CSMD1: variants seen among roughly 807,000 people sequenced by gnomAD.
CSMD1 encodes the protein CUB and Sushi multiple domains 1, also known as CUB and sushi domain-containing protein 1.
CSMD1 carries 213 observed loss-of-function variants against 417.5 expected under a neutral mutation model. That is an observed-to-expected ratio of 0.51 (90% CI 0.46 to 0.57). CSMD1 has a LOEUF of 0.57. Among genes scored for constraint, CSMD1 ranks in the 20% least tolerant of loss-of-function variants. The pLI is 0.00. For synonymous variants in CSMD1, 2,862 were observed against 1,736.8 expected (o/e 1.65, Z -16.11); for missense variants, 6,923 against 4,529.7 (o/e 1.53, Z -15.17).
chr8:3,022,055 G>T (rs1809468020), intron 51 of CSMD1, among the ~76,000 whole-genome samples: 1 of 137,876 alleles, frequency 7.3e-6, no homozygotes, highest in Non-Finnish European at 1.5e-5. Context: ...ACAGCATCCG[G>T]AATGCACCCG....
intron 3 of CSMD1, among the ~76,000 whole-genome samples, chr8:4,095,769 G>A (rs1187809866): frequency 6.6e-6 from 1 of 152,162 alleles, no homozygotes; most frequent in Admixed American, 6.5e-5. Flanking sequence ...CCTATTACGT[G>A]AATTCAGTTC....
intron 7 of CSMD1, among the ~76,000 whole-genome samples, chr8:3,619,407 A>T (rs1341176546): frequency 3.3e-5 from 5 of 152,022 alleles, no homozygotes; most frequent in African/African-American, 1.2e-4. Flanking sequence ...ACCACAAGGC[A>T]TACAAAGAAA....
At chr8:4,586,612 A>C (rs1411839219) in intron 2 of CSMD1, among the ~76,000 whole-genome samples, 6 of 152,152 alleles carry the variant, frequency 3.9e-5, no homozygotes, top group African/African-American at 1.4e-4. Flanking sequence ...TTGGATAAAC[A>C]CTGTTCCCTC....
intron 3 of CSMD1, among the ~76,000 whole-genome samples, chr8:4,342,901 A>G (rs2128896083): frequency 6.6e-6 from 1 of 152,224 alleles, no homozygotes; most frequent in African/African-American, 2.4e-5. Context: ...CAAAGGACTT[A>G]TGTTTTAGAG....
intron 5 of CSMD1, among the ~76,000 whole-genome samples, chr8:3,831,920 AC>A (rs1243903058): frequency 2.0e-5 from 3 of 151,914 alleles, no homozygotes; most frequent in Non-Finnish European, 2.9e-5. Flanking sequence ...CTTTTAAAAT[AC>A]CCCCCAGAGA....
At chr8:3,582,829 A>G (rs1313314321) in intron 9 of CSMD1, among the ~76,000 whole-genome samples, 2 of 152,208 alleles carry the variant, frequency 1.3e-5, no homozygotes, top group Non-Finnish European at 1.5e-5. Flanking sequence ...TTCCCTTTTT[A>G]GTCTAGCTAC....
intron 2 of CSMD1, among the ~76,000 whole-genome samples, chr8:4,541,393 G>A (rs891368848): frequency 6.6e-6 from 1 of 152,106 alleles, no homozygotes; most frequent in African/African-American, 2.4e-5. Context: ...TGCTTATTTT[G>A]TAAGCACTGC....
chr8:3,012,710 G>A (rs1051454209), intron 52 of CSMD1, among the ~76,000 whole-genome samples: 1 of 152,206 alleles, frequency 6.6e-6, no homozygotes, highest in African/African-American at 2.4e-5. Context: ...TTGTTTGGAA[G>A]ATCCACCTGT....
intron 7 of CSMD1, among the ~76,000 whole-genome samples, 164 bp downstream of exon 7, chr8:3,708,250 G>A (rs1484092790): frequency 1.3e-5 from 2 of 152,172 alleles, no homozygotes; most frequent in Admixed American, 6.5e-5. Flanking sequence ...GTAACAAAGT[G>A]AAGTTAGTGC....
intron 2 of CSMD1, among the ~76,000 whole-genome samples, chr8:4,460,403 C>T (rs1233885529): frequency 5.3e-5 from 8 of 152,002 alleles, no homozygotes; most frequent in Admixed American, 2.0e-4. Context: ...CATAAATAGC[C>T]TCACCTTCCA....
At chr8:4,390,491 G>A (rs1399878991) in intron 3 of CSMD1, among the ~76,000 whole-genome samples, 4 of 37,512 alleles carry the variant, frequency 1.1e-4, no homozygotes, top group South Asian at 6.9e-4. Context: ...CCACAGAAGC[G>A]TCCATTTTTA....
intron 3 of CSMD1, among the ~76,000 whole-genome samples, chr8:4,102,273 T>C (rs568391853): frequency 2.0e-5 from 3 of 152,188 alleles, no homozygotes; most frequent in Non-Finnish European, 4.4e-5. Flanking sequence ...ACTTTACACA[T>C]TATAAGGAAG....
At chr8:4,212,751 C>T (rs201347493) in intron 3 of CSMD1, among the ~76,000 whole-genome samples, 1,415 of 99,124 alleles carry the variant, frequency 0.014, 32 homozygotes, top group African/African-American at 0.046. Context: ...CGGCCTTATT[C>T]TTTTTTTTTT....
intron 2 of CSMD1, among the ~76,000 whole-genome samples, chr8:4,509,324 C>T (rs1011255790): frequency 1.3e-5 from 2 of 152,056 alleles, no homozygotes; most frequent in Non-Finnish European, 2.9e-5. Flanking sequence ...TACCAACCCC[C>T]ACCCTCTGGA....
intron 3 of CSMD1, among the ~76,000 whole-genome samples, chr8:4,394,572 C>A (rs1804074979): frequency 6.6e-6 from 1 of 152,146 alleles, no homozygotes; most frequent in African/African-American, 2.4e-5. Context: ...TGGTTCAACC[C>A]ATGTCTGTGG....
At chr8:4,229,019 C>T (rs908189187) in intron 3 of CSMD1, among the ~76,000 whole-genome samples, 1 of 152,170 alleles carries the variant, frequency 6.6e-6, no homozygotes, top group South Asian at 2.1e-4. Context: ...AATTGAGACA[C>T]ATATATCCGA....
chr8:4,573,091 A>G (rs371356494), intron 2 of CSMD1, among the ~76,000 whole-genome samples: 1 of 152,208 alleles, frequency 6.6e-6, no homozygotes, highest in East Asian at 1.9e-4. Context: ...GGAGTTTGTT[A>G]TTACCCACCT....
chr8:3,302,292 T>A (rs1015509242), intron 25 of CSMD1, among the ~76,000 whole-genome samples: 4 of 151,964 alleles, frequency 2.6e-5, no homozygotes, highest in African/African-American at 9.7e-5. Flanking sequence ...TTCTTTAATG[T>A]TTTTTTCTGG....
intron 37 of CSMD1, among the ~76,000 whole-genome samples, chr8:3,173,545 T>C (rs1820715304): frequency 6.6e-6 from 1 of 152,168 alleles, no homozygotes; most frequent in South Asian, 2.1e-4. Flanking sequence ...AAAGATCTTA[T>C]GGAGTAATTA....
Sources: gnomAD v4.1 joint callset for allele counts (sites outside exome capture counted in the v4.1 genomes callset) on GRCh38, gnomAD v4.1.1 for gene constraint, MANE v1.5 for transcripts, NCBI Gene and HGNC (gene_info 2026-07-23, HGNC 2026-07-21) for gene names.